The following SNRK variants were observed in gnomAD, a reference collection of about 807,000 sequenced individuals.
SNRK encodes SNF-related serine/threonine-protein kinase.
A neutral mutation model predicts 48.2 loss-of-function variants in SNRK; 3 were observed. That is an observed-to-expected ratio of 0.06 (90% CI 0.03 to 0.16). The LOEUF (loss-of-function observed/expected upper bound fraction) is 0.16, where lower values mean the gene tolerates loss of function less well. Among genes scored for constraint, SNRK ranks in the 10% least tolerant of loss-of-function variants. The probability of loss-of-function intolerance (pLI) is 1.00; values close to 1 mark genes in which losing one functional copy is unlikely to be tolerated. For missense variants in SNRK, 627 were observed against 976.0 expected, an observed-to-expected ratio of 0.64 and a Z score of 4.76; for synonymous variants, 376 against 366.1, an observed-to-expected ratio of 1.03 and a Z score of -0.31.
Position 43,347,573 on chromosome 3 carries a change from G to A in SNRK, c.1314G>A (p.Gly438=). 1 of 1,614,068 alleles carries A rather than the reference G, an allele frequency of 6.2e-7. No homozygotes were observed. Among genetic ancestry groups the A allele is most frequent in the Non-Finnish European group, 8.5e-7 (1 of 1,179,992 alleles). Reference sequence around the variant, plus strand: ...CAAGCTTAAAACCCACAGCCAGTGGGCGGAAGTGTCTGTTCAGGGTGGAAG... The same window carrying A: ...CAAGCTTAAAACCCACAGCCAGTGGACGGAAGTGTCTGTTCAGGGTGGAAG... The part of the protein sequence containing the change: ...PPASLKPTAS[G]RKCLFRVEED... The change falls in exon 7 of 7, where the codon GGG becomes GGA. Residue 438 remains glycine, a synonymous_variant. Coordinates refer to ENST00000296088, the MANE Select transcript of SNRK (RefSeq NM_017719.5). This position sits in a 1 kb window ranked among gnomAD's most constrained non-coding sequence, Gnocchi z 5.4.
chr3:43,343,276 TCA>T, intron 5 of SNRK, 66 bp from the exon 6 acceptor site: 1 of 1,500,090 alleles, frequency 6.7e-7, no homozygotes, highest in Admixed American at 2.5e-5. Context: ...CTTTTAAAAA[TCA>T]ATTCTGCTTC....
intron 4 of SNRK, among the ~76,000 whole-genome samples, chr3:43,334,683 T>A (rs2091173416): frequency 6.6e-6 from 1 of 151,874 alleles, no homozygotes; most frequent in African/African-American, 2.4e-5. Flanking sequence ...AGCCTCCACC[T>A]CCTGGGTTCA....
chr3:43,288,655 A>T (rs553897424), intron 1 of SNRK, among the ~76,000 whole-genome samples: 7 of 152,142 alleles, frequency 4.6e-5, no homozygotes, highest in African/African-American at 1.7e-4. Context: ...ATAAGACATG[A>T]TTTCTTCCCT....
At chr3:43,327,721 T>C (rs2091106611) in intron 3 of SNRK, among the ~76,000 whole-genome samples, 1 of 152,186 alleles carries the variant, frequency 6.6e-6, no homozygotes, top group South Asian at 2.1e-4. Context: ...TGTTCTTTTA[T>C]TCTGTTTTGT....
Position 43,347,420 on chromosome 3 carries a change from C to G in SNRK, c.1161C>G (p.Val387=), listed in dbSNP as rs2091284899. The G allele has an allele frequency of 6.2e-7, 1 of 1,613,952 alleles. No individual in the cohort carries two copies. Among genetic ancestry groups the G allele is most frequent in the African/African-American group, 1.3e-5 (1 of 75,038 alleles). The change falls in exon 7 of 7, where the codon GTC becomes GTG. Residue 387 remains valine (V), a synonymous_variant. Transcript: ENST00000296088. The surrounding 1 kb of genome is among the most constrained non-coding windows in gnomAD (Gnocchi z 5.4). ...LTATPLSHAT[V]PQSPARAADS... is the part of the protein sequence containing the mutation. ...CCACTCCTTTGTCCCACGCGACTGT[C>G]CCTCAGTCTCCTGCTCGGGCTGCTG... is the stretch of plus-strand genomic sequence containing the variant.
chr3:43,292,815 A>G (rs1362221574), intron 1 of SNRK, among the ~76,000 whole-genome samples: 1 of 152,168 alleles, frequency 6.6e-6, no homozygotes. Flanking sequence ...TGCCTCACCT[A>G]GGCTCACTTG....
intron 3 of SNRK, among the ~76,000 whole-genome samples, chr3:43,318,488 CA>C (rs1292301318): frequency 6.6e-6 from 1 of 151,756 alleles, no homozygotes; most frequent in Non-Finnish European, 1.5e-5. Context: ...AATCAACTTA[CA>C]TTCACCTTAG....
intron 3 of SNRK, among the ~76,000 whole-genome samples, chr3:43,318,625 T>A (rs1035070051): frequency 6.6e-6 from 1 of 151,844 alleles, no homozygotes; most frequent in Non-Finnish European, 1.5e-5. Context: ...GACAAAAAAA[T>A]CAGCATTAGA....
At chr3:43,316,565 TAAC>T in intron 3 of SNRK, among the ~76,000 whole-genome samples, 1 of 152,268 alleles carries the variant, frequency 6.6e-6, no homozygotes, top group Non-Finnish European at 1.5e-5. Flanking sequence ...AAATTGTTTT[TAAC>T]TTCTTTAAAG....
chr3:43,296,742 A>T (rs2090858825), intron 1 of SNRK, among the ~76,000 whole-genome samples: 2 of 152,130 alleles, frequency 1.3e-5, no homozygotes, highest in Admixed American at 1.3e-4. Context: ...TGTTGATGAA[A>T]ACCTAAAAGT....
intron 3 of SNRK, among the ~76,000 whole-genome samples, chr3:43,317,375 G>T (rs1575544541): frequency 6.6e-6 from 1 of 152,302 alleles, no homozygotes; most frequent in Non-Finnish European, 1.5e-5. Flanking sequence ...TTGCAGTGGG[G>T]AGCAGCTGTA....
At chr3:43,304,616 A>T (rs1202121246) in intron 3 of SNRK, among the ~76,000 whole-genome samples, 1 of 152,042 alleles carries the variant, frequency 6.6e-6, no homozygotes, top group African/African-American at 2.4e-5. Context: ...TTTTTAAAGG[A>T]TTTGTTGATC....
At chr3:43,288,404 C>T (rs1207738638) in intron 1 of SNRK, among the ~76,000 whole-genome samples, 1 of 152,030 alleles carries the variant, frequency 6.6e-6, no homozygotes, top group Non-Finnish European at 1.5e-5. Context: ...TTTTATTTTT[C>T]TAGACCAGAA....
chr3:43,292,959 C>A (rs2090824693), intron 1 of SNRK, among the ~76,000 whole-genome samples: 1 of 152,110 alleles, frequency 6.6e-6, no homozygotes, highest in South Asian at 2.1e-4. Context: ...ACTGTAGGTC[C>A]TGTTTTCCTA....
intron 3 of SNRK, among the ~76,000 whole-genome samples, chr3:43,317,309 T>G (rs1276728624): frequency 6.6e-6 from 1 of 152,136 alleles, no homozygotes; most frequent in African/African-American, 2.4e-5. Flanking sequence ...TTCTCTGATG[T>G]GGAAAGTTCC....
intron 6 of SNRK, among the ~76,000 whole-genome samples, chr3:43,345,082 C>CT (rs1163635616): frequency 6.6e-6 from 1 of 152,186 alleles, no homozygotes; most frequent in Non-Finnish European, 1.5e-5. Flanking sequence ...AACATAGACC[C>CT]TGTCTCTATA....
intron 3 of SNRK, among the ~76,000 whole-genome samples, chr3:43,325,466 A>G (rs2091089073): frequency 6.6e-6 from 1 of 152,232 alleles, no homozygotes; most frequent in South Asian, 2.1e-4. Flanking sequence ...TGCCCGGCCC[A>G]AAAGACTGTG....
chr3:43,291,481 A>G (rs1458619819), intron 1 of SNRK, among the ~76,000 whole-genome samples: 1 of 152,174 alleles, frequency 6.6e-6, no homozygotes, highest in Middle Eastern at 3.2e-3. Flanking sequence ...GGAGAACTAT[A>G]TATACAACCC....
intron 3 of SNRK, among the ~76,000 whole-genome samples, chr3:43,326,049 G>A (rs7614421): frequency 0.019 from 2,886 of 152,114 alleles, 73 homozygotes; most frequent in African/African-American, 0.062. Context: ...GAGTTGGAAG[G>A]GTGTCTGCTG....
Sources: allele counts gnomAD v4.1 joint callset (sites outside exome capture counted in the v4.1 genomes callset), GRCh38; gene constraint gnomAD v4.1.1; non-coding constraint Gnocchi (gnomAD v3.1); transcripts MANE v1.5; gene names NCBI Gene and HGNC (gene_info 2026-07-23, HGNC 2026-07-21).